ZNF385D: variants seen among roughly 807,000 people sequenced by gnomAD.
The protein encoded by ZNF385D is zinc finger protein 385D, also known as zinc finger protein 659.
A neutral mutation model predicts 35.8 loss-of-function variants in ZNF385D; 15 were observed. The ratio of observed to expected loss-of-function variants is 0.42; its 90% CI spans 0.28 to 0.64. The LOEUF (loss-of-function observed/expected upper bound fraction) is 0.64. Among genes scored for constraint, ZNF385D ranks in the 30% least tolerant of loss-of-function variants. ZNF385D has a pLI of 0.23. For synonymous variants in ZNF385D, 212 were observed against 186.8 expected (o/e 1.13, Z -1.10); for missense variants, 474 against 494.6 (o/e 0.96, Z 0.39).
At chr3:21,616,426 G>GTAC (rs1414645817) in intron 2 of ZNF385D, among the ~76,000 whole-genome samples, 3 of 152,112 alleles carry the variant, frequency 2.0e-5, no homozygotes, top group South Asian at 2.1e-4. Flanking sequence ...ATACCCTTCA[G>GTAC]TACCTTCCAT....
intron 3 of ZNF385D, among the ~76,000 whole-genome samples, chr3:21,758,445 T>A (rs932547091): frequency 5.3e-5 from 8 of 151,898 alleles, no homozygotes; most frequent in Non-Finnish European, 1.0e-4. Flanking sequence ...AAGAGAGAAA[T>A]CCCAAGTCTC....
At position 21,412,409 on chromosome 3, in the gene ZNF385D, T is replaced by G. The variant is rs146272383; in HGVS notation, c.*8805A>C. The stretch of plus-strand genomic sequence containing the variant: ...AGTGGAATAGAACATAGAGAATACA[T>G]AATTTGTTCTAATATTCCTCTTCCT... On this transcript the variant is annotated 3_prime_UTR_variant, in exon 8 of 8. Coordinates refer to ENST00000281523, the MANE Select transcript of ZNF385D (RefSeq NM_024697.3). 8.5e-5 allele frequency: 13 copies of G among 152,084 alleles called. No homozygotes were observed. The East Asian group carries it at 2.5e-3, about 30-fold the overall frequency. The allele number at this position is 152,084 out of a possible 1,614,324, so 9.4% of individuals were successfully genotyped here. A position where few individuals can be genotyped will look rare whatever the true frequency, so the allele number is the denominator to read the frequency against.
chr3:21,761,869 CTTTTTTTTTTTT>C (rs58790934), intron 3 of ZNF385D, among the ~76,000 whole-genome samples: 4 of 77,190 alleles, frequency 5.2e-5, no homozygotes, highest in Non-Finnish European at 6.6e-5. Context: ...CATTTTCTTC[CTTTTTTTTTTTT>C]TTTTTTTTTT....
intron 3 of ZNF385D, among the ~76,000 whole-genome samples, chr3:21,979,295 A>G (rs1267512327): frequency 6.6e-6 from 1 of 152,198 alleles, no homozygotes; most frequent in African/African-American, 2.4e-5. Flanking sequence ...TATATTATGT[A>G]TATTTAACCC....
intron 1 of ZNF385D, among the ~76,000 whole-genome samples, chr3:21,712,588 A>G (rs976940632): frequency 6.6e-6 from 1 of 152,232 alleles, no homozygotes; most frequent in Non-Finnish European, 1.5e-5. Context: ...CACCGCTGTA[A>G]AATGACTTGA....
At chr3:21,440,961 G>A (rs1186796093) in intron 4 of ZNF385D, among the ~76,000 whole-genome samples, 1 of 152,032 alleles carries the variant, frequency 6.6e-6, no homozygotes, top group Admixed American at 6.6e-5. Flanking sequence ...CAAATCTAGT[G>A]TGTATTATCT....
intron 2 of ZNF385D, among the ~76,000 whole-genome samples, chr3:22,362,399 A>T (rs1054522531): frequency 3.3e-5 from 5 of 152,118 alleles, no homozygotes; most frequent in Admixed American, 6.6e-5. Context: ...TGTTCACCAA[A>T]TTCCGTAGGA....
chr3:22,030,479 C>CAG (rs1476657501), intron 3 of ZNF385D, among the ~76,000 whole-genome samples: 1 of 149,082 alleles, frequency 6.7e-6, no homozygotes, highest in Non-Finnish European at 1.5e-5. Context: ...GAGAGAGAGA[C>CAG]ACAGAGAGAG....
At chr3:21,607,154 G>A (rs186116971) in intron 2 of ZNF385D, among the ~76,000 whole-genome samples, 28 of 152,092 alleles carry the variant, frequency 1.8e-4, no homozygotes, top group Admixed American at 1.8e-3. Context: ...GTAATCAATG[G>A]CATCTCAAAT....
intron 2 of ZNF385D, among the ~76,000 whole-genome samples, chr3:22,345,784 T>C (rs1386233685): frequency 1.3e-5 from 2 of 152,186 alleles, no homozygotes; most frequent in East Asian, 1.9e-4. Context: ...GACAGTCCCC[T>C]AGTCCAAGAT....
intron 3 of ZNF385D, among the ~76,000 whole-genome samples, chr3:21,871,446 G>T (rs1010453061): frequency 6.6e-6 from 1 of 152,110 alleles, no homozygotes; most frequent in Non-Finnish European, 1.5e-5. Flanking sequence ...GTCCACTAAA[G>T]TGTAAACTTC....
chr3:22,243,622 G>A (rs1478286080), intron 2 of ZNF385D, among the ~76,000 whole-genome samples: 1 of 150,996 alleles, frequency 6.6e-6, no homozygotes, highest in African/African-American at 2.5e-5. Flanking sequence ...GGACCAGGTG[G>A]AGGCAATGAA....
intron 2 of ZNF385D, among the ~76,000 whole-genome samples, chr3:22,280,514 G>T (rs928862109): frequency 6.6e-6 from 1 of 151,900 alleles, no homozygotes; most frequent in African/African-American, 2.4e-5. Flanking sequence ...AGCACCATTT[G>T]TTGAATAGGG....
At chr3:21,752,960 C>T (rs2070173450), upstream of ZNF385D, among the ~76,000 whole-genome samples, 1 of 152,054 alleles carries the variant, frequency 6.6e-6, no homozygotes, top group East Asian at 1.9e-4. Context: ...TGCTAGGGGG[C>T]ACTGTAGTTT....
chr3:22,112,501 A>G (rs1702586529), intron 3 of ZNF385D, among the ~76,000 whole-genome samples: 1 of 152,164 alleles, frequency 6.6e-6, no homozygotes, highest in Admixed American at 6.6e-5. Flanking sequence ...TTGATAAGCA[A>G]AATTATATTT....
At chr3:22,111,135 T>C (rs1168068825) in intron 3 of ZNF385D, among the ~76,000 whole-genome samples, 4 of 145,590 alleles carry the variant, frequency 2.7e-5, no homozygotes, top group Admixed American at 1.4e-4. Flanking sequence ...CAGTAACATA[T>C]TGAGGCTCCA....
At chr3:21,718,233 T>G (rs2068401141) in intron 1 of ZNF385D, among the ~76,000 whole-genome samples, 1 of 152,236 alleles carries the variant, frequency 6.6e-6, no homozygotes, top group Admixed American at 6.5e-5. Flanking sequence ...GGAATGCTTT[T>G]CCAGATTTAC....
intron 2 of ZNF385D, among the ~76,000 whole-genome samples, chr3:22,367,563 G>A (rs750660629): frequency 2.2e-4 from 34 of 151,292 alleles, no homozygotes; most frequent in Middle Eastern, 3.4e-3. Flanking sequence ...ACTTCTGGAA[G>A]TTGTACTTAA....
At chr3:22,024,884 A>G (rs1697441552) in intron 3 of ZNF385D, among the ~76,000 whole-genome samples, 1 of 152,166 alleles carries the variant, frequency 6.6e-6, no homozygotes. Context: ...CTGAGCCTCA[A>G]ATCTGGTAAG....
Sources: allele counts gnomAD v4.1 joint callset (sites outside exome capture counted in the v4.1 genomes callset), GRCh38; gene constraint gnomAD v4.1.1; transcripts MANE v1.5; gene names NCBI Gene and HGNC (gene_info 2026-07-23, HGNC 2026-07-21).